Variants in DAB1 observed in about 807,000 individuals in gnomAD.
DAB1 encodes the protein DAB adaptor protein 1.
DAB1 carries 15 observed loss-of-function variants against 64.6 expected under a neutral mutation model. The ratio of observed to expected loss-of-function variants is 0.23; its 90% CI spans 0.16 to 0.36. DAB1 has a LOEUF of 0.36. Ranked by LOEUF, DAB1 falls within the 10% of genes least tolerant of loss-of-function variation. The pLI, the probability that DAB1 is intolerant of heterozygous loss-of-function variation, is 1.00. For synonymous variants in DAB1, 235 were observed against 251.9 expected (o/e 0.93, Z 0.64); for missense variants, 596 against 706.7 (o/e 0.84, Z 1.78).
Position 57,337,676 on chromosome 1 carries a change from C to T in DAB1, c.-136-46510G>A, listed in dbSNP as rs530802056. ...GCTGTATCTTCAGCACCTAGAAGAG[C>T]GGCGCCTGGTGAGAGAGCAAGCACT... On this transcript the variant is annotated intron_variant, in intron 1 of 14. Coordinates refer to ENST00000371236, the MANE Select transcript of DAB1 (RefSeq NM_001365792.1). Among the ~76,000 whole-genome samples the T allele has an allele frequency of 5.3e-5, 8 of 152,270 alleles. No individual in the cohort carries two copies. In the South Asian group the frequency reaches 6.2e-4, roughly 12 times the overall value.
At chr1:58,064,831 T>C (rs1255350003) in intron 5 of DAB1, among the ~76,000 whole-genome samples, 1 of 152,114 alleles carries the variant, frequency 6.6e-6, no homozygotes, top group African/African-American at 2.4e-5. Flanking sequence ...ACGCCATTCT[T>C]CTGCCTCAGA....
At chr1:57,091,830 T>A (rs1418870775) in intron 4 of DAB1, among the ~76,000 whole-genome samples, 1 of 152,148 alleles carries the variant, frequency 6.6e-6, no homozygotes, top group Non-Finnish European at 1.5e-5. Flanking sequence ...ACCTAATAAA[T>A]GTTACCTAAG....
At chr1:57,090,008 T>C (rs1019828704) in intron 4 of DAB1, among the ~76,000 whole-genome samples, 7 of 152,164 alleles carry the variant, frequency 4.6e-5, no homozygotes, top group Non-Finnish European at 8.8e-5. Context: ...AACAAGGGGA[T>C]GTGGCCAGAA....
At chr1:58,033,580 T>G (rs971539367) in intron 5 of DAB1, among the ~76,000 whole-genome samples, 1 of 152,230 alleles carries the variant, frequency 6.6e-6, no homozygotes. Context: ...ACAATATTTC[T>G]GATACAATAC....
At chr1:58,375,172 T>A (rs1644311345) in intron 3 of DAB1, among the ~76,000 whole-genome samples, 1 of 149,768 alleles carries the variant, frequency 6.7e-6, no homozygotes, top group Admixed American at 6.7e-5. Context: ...TACCCTTTAT[T>A]TCCTTCTCCT....
At chr1:57,861,923 T>A (rs1342089896) in intron 1 of DAB1, among the ~76,000 whole-genome samples, 1 of 152,074 alleles carries the variant, frequency 6.6e-6, no homozygotes, top group African/African-American at 2.4e-5. Flanking sequence ...AAGGTAGCAA[T>A]AATCTCTTCT....
chr1:57,300,414 G>GT (rs777312967), intron 1 of DAB1, among the ~76,000 whole-genome samples: 9 of 152,218 alleles, frequency 5.9e-5, no homozygotes, highest in Non-Finnish European at 1.2e-4. Flanking sequence ...GCAAGGCAGA[G>GT]TTAACAGGGG....
At chr1:58,471,820 T>A (rs957496683) in intron 3 of DAB1, among the ~76,000 whole-genome samples, 1 of 152,186 alleles carries the variant, frequency 6.6e-6, no homozygotes, top group African/African-American at 2.4e-5. Context: ...TGATTTTAAG[T>A]TCCCTGAGGC....
At chr1:57,880,381 C>T (rs1432111175) in intron 1 of DAB1, 4 of 152,162 alleles carry the variant, frequency 2.6e-5, no homozygotes, top group African/African-American at 9.7e-5. Context: ...GGGCCCCCGC[C>T]CATAGAACCA....
At chr1:57,823,729 G>A (rs1479248012), downstream of DAB1, among the ~76,000 whole-genome samples, 2 of 152,154 alleles carry the variant, frequency 1.3e-5, no homozygotes, top group African/African-American at 4.8e-5. Flanking sequence ...ATGAAGGGAG[G>A]GTAACTGCCA....
intron 7 of DAB1, among the ~76,000 whole-genome samples, chr1:57,434,957 T>A (rs184967020): frequency 6.6e-6 from 1 of 152,100 alleles, no homozygotes; most frequent in Non-Finnish European, 1.5e-5. Context: ...GACATTACTG[T>A]GCACTACTGT....
At chr1:57,848,582 A>G (rs1323811) in intron 1 of DAB1, among the ~76,000 whole-genome samples, 4,694 of 152,264 alleles carry the variant, frequency 0.031, 231 homozygotes, top group African/African-American at 0.11. Flanking sequence ...TGTTAAGAAG[A>G]GGTCTAGGCC....
intron 2 of DAB1, among the ~76,000 whole-genome samples, chr1:58,524,020 T>C (rs143299053): frequency 1.4e-3 from 208 of 152,332 alleles, no homozygotes; most frequent in African/African-American, 4.5e-3. Context: ...CTTTTTGCTT[T>C]ACAACCAAAA....
intron 5 of DAB1, among the ~76,000 whole-genome samples, chr1:57,980,458 A>G (rs1313891530): frequency 6.6e-6 from 1 of 152,202 alleles, no homozygotes; most frequent in African/African-American, 2.4e-5. Context: ...GGAGAATGAC[A>G]TCTCTTAGCC....
intron 1 of DAB1, among the ~76,000 whole-genome samples, chr1:58,543,536 C>T (rs1389402594): frequency 6.6e-6 from 1 of 152,116 alleles, no homozygotes; most frequent in Non-Finnish European, 1.5e-5. Context: ...TGCCTTATTT[C>T]ACCACTAACC....
chr1:57,459,017 T>A (rs1686693649), intron 7 of DAB1, among the ~76,000 whole-genome samples: 1 of 152,112 alleles, frequency 6.6e-6, no homozygotes, highest in African/African-American at 2.4e-5. Flanking sequence ...AAAGTTTTGA[T>A]GAAAACCTTT....
intron 7 of DAB1, among the ~76,000 whole-genome samples, chr1:57,592,437 GA>G (rs374526960): frequency 9.4e-5 from 14 of 148,948 alleles, no homozygotes; most frequent in South Asian, 4.3e-4. Context: ...AGGCCTCATA[GA>G]AAAAAAAAAT....
intron 7 of DAB1, among the ~76,000 whole-genome samples, chr1:57,587,508 G>A (rs1158637742): frequency 1.3e-5 from 2 of 152,090 alleles, no homozygotes; most frequent in Non-Finnish European, 2.9e-5. Context: ...AGTTAATAAA[G>A]GGCAGAGTTA....
chr1:58,283,146 C>A (rs1435144878), intron 4 of DAB1, among the ~76,000 whole-genome samples: 1 of 151,974 alleles, frequency 6.6e-6, no homozygotes, highest in Non-Finnish European at 1.5e-5. Flanking sequence ...CCCCCCAAGC[C>A]CCAGCGCTCT....
Sources: gnomAD v4.1 joint callset for allele counts (sites outside exome capture counted in the v4.1 genomes callset) on GRCh38, gnomAD v4.1.1 for gene constraint, MANE v1.5 for transcripts, NCBI Gene and HGNC (gene_info 2026-07-23, HGNC 2026-07-21) for gene names.